Variants in SEL1L observed in about 807,000 individuals in gnomAD.
SEL1L encodes the protein SEL1L adaptor subunit of SYVN1 ubiquitin ligase.
SEL1L carries 52 observed loss-of-function variants against 109.8 expected under a neutral mutation model. That is an observed-to-expected ratio of 0.47 (90% CI 0.38 to 0.60). The LOEUF (loss-of-function observed/expected upper bound fraction) is 0.60. Among genes scored for constraint, SEL1L ranks in the 20% least tolerant of loss-of-function variants. The pLI, the probability that SEL1L is intolerant of heterozygous loss-of-function variation, is 0.00. For missense variants in SEL1L, 749 were observed against 962.2 expected, an observed-to-expected ratio of 0.78 and a Z score of 2.93; for synonymous variants, 373 against 339.6, an observed-to-expected ratio of 1.10 and a Z score of -1.08.
chr14:81,492,834 T>C (rs552613574), intron 11 of SEL1L, among the ~76,000 whole-genome samples: 2 of 152,362 alleles, frequency 1.3e-5, no homozygotes, highest in Non-Finnish European at 2.9e-5. Flanking sequence ...TCCTGTTACT[T>C]ACAGGCAAAG....
chr14:81,530,332 T>C (rs2371804), intron 1 of SEL1L, among the ~76,000 whole-genome samples: 1 of 150,442 alleles, frequency 6.6e-6, no homozygotes, highest in Non-Finnish European at 1.5e-5. Flanking sequence ...CTTCATCACA[T>C]GTTAATTCTG....
chr14:81,528,442 T>G (rs1045919502), intron 1 of SEL1L, among the ~76,000 whole-genome samples: 11 of 152,128 alleles, frequency 7.2e-5, no homozygotes, highest in Non-Finnish European at 1.3e-4. Context: ...ACAGCCTGCT[T>G]TGGTGTTGTC....
chr14:81,506,903 C>T (rs1884262247), intron 3 of SEL1L, among the ~76,000 whole-genome samples: 1 of 152,202 alleles, frequency 6.6e-6, no homozygotes, highest in South Asian at 2.1e-4. Context: ...CTACACACAA[C>T]TTACTGCCTA....
At position 81,504,295 on chromosome 14, in the gene SEL1L, C is replaced by T; in HGVS notation, c.520G>A (p.Ala174Thr). The T allele has an allele frequency of 1.9e-6, 3 of 1,588,626 alleles. No homozygotes were observed. Among genetic ancestry groups the T allele is most frequent in the Non-Finnish European group, 2.6e-6 (3 of 1,167,994 alleles). The change falls in exon 5 of 21, where the codon GCT becomes ACT. Residue 174 changes from alanine to threonine, a missense_variant. Ala to Thr is a moderately conservative substitution (Grantham distance 58). Around this residue, in one of 2 missense-constraint regions of SEL1L, gnomAD observed 366 missense variants for 399.8 expected, o/e 0.92. Coordinates refer to ENST00000336735, the MANE Select transcript of SEL1L (RefSeq NM_005065.6). Reference protein sequence around the residue: ...KWGFCETEEEAAKRRQMQEAE... With the variant: ...KWGFCETEEETAKRRQMQEAE... ...TCCTGCATCTGCCGTCTCTTAGCAG[C>T]CTCTTCTTCAGCTAAAAACAAAACG...
chr14:81,484,581 T>C, intron 18 of SEL1L, 184 bp from the exon 19 acceptor site: 1 of 542,458 alleles, frequency 1.8e-6, no homozygotes, highest in Non-Finnish European at 3.2e-6. Flanking sequence ...ACTAGAAGTG[T>C]AGCTCTTCTG....
intron 3 of SEL1L, among the ~76,000 whole-genome samples, chr14:81,525,590 T>A (rs78320205): frequency 0.089 from 13,553 of 152,010 alleles, 1,955 homozygotes; most frequent in African/African-American, 0.3. Flanking sequence ...AATGTGTATC[T>A]ACTGTCTTTT....
At chr14:81,489,193 T>C (rs1883449004) in intron 14 of SEL1L, 59 bp downstream of exon 14, 2 of 1,456,788 alleles carry the variant, frequency 1.4e-6, no homozygotes, top group Non-Finnish European at 1.9e-6. Flanking sequence ...TTAAGGAACA[T>C]GTCCCTACCT....
chr14:81,497,785 CAGGGCAATGAAAATGT>C (rs1883830154), intron 10 of SEL1L, 91 bp downstream of exon 10: 1 of 1,002,492 alleles, frequency 1.0e-6, no homozygotes, highest in African/African-American at 1.6e-5. Flanking sequence ...CATAATTGCT[CAGGGCAATGAAAATGT>C]AACTTACAGA....
chr14:81,481,950 G>A (rs570096510), intron 19 of SEL1L, among the ~76,000 whole-genome samples: 34 of 151,822 alleles, frequency 2.2e-4, no homozygotes, highest in Non-Finnish European at 3.2e-4. Context: ...AGAATCGCTT[G>A]AACCCAGAGG....
In SEL1L at chr14:81,476,585, G is replaced by C. The variant is rs17094188; in HGVS notation, c.*387C>G. ...TCCTTTTTACACTGATCAGTTTTTA[G>C]TGTCGATGCACAATACCTTAAAGAT... On this transcript the variant is annotated 3_prime_UTR_variant, in exon 21 of 21. Coordinates refer to ENST00000336735, the MANE Select transcript of SEL1L (RefSeq NM_005065.6). 0.029 allele frequency: 4,720 copies of C among 165,612 alleles called. 377 individuals carry two copies. Among genetic ancestry groups the C allele is most frequent in the East Asian group, 0.2 (1,155 of 5,906 alleles). The allele number at this position is 165,612 out of a possible 1,614,324, so 10.3% of individuals were successfully genotyped here.
At chr14:81,486,162 T>C in intron 17 of SEL1L, 127 bp downstream of exon 17, 2 of 899,218 alleles carry the variant, frequency 2.2e-6, no homozygotes, top group East Asian at 4.9e-5. Context: ...CTTAAGCCTG[T>C]GTGTTCAGTT....
At chr14:81,504,729 GACTAGATCATA>G (rs2140022439) in intron 4 of SEL1L, among the ~76,000 whole-genome samples, 1 of 152,056 alleles carries the variant, frequency 6.6e-6, no homozygotes, top group Admixed American at 6.6e-5. Context: ...GGTGAGAGGC[GACTAGATCATA>G]GGGGTGGTTT....
At chr14:81,527,599 C>T in intron 2 of SEL1L, 102 bp downstream of exon 2, 1 of 752,166 alleles carries the variant, frequency 1.3e-6, no homozygotes, top group Non-Finnish European at 2.1e-6. Flanking sequence ...TTTAATTCAA[C>T]TGTTACTCAA....
chr14:81,477,426 T>C (rs565045021), intron 20 of SEL1L, among the ~76,000 whole-genome samples: 1 of 152,090 alleles, frequency 6.6e-6, no homozygotes, highest in South Asian at 2.1e-4. Flanking sequence ...ACACTTAATA[T>C]AAAATGTCTG....
intron 16 of SEL1L, 66 bp downstream of exon 16, chr14:81,487,324 G>A: frequency 6.9e-7 from 1 of 1,451,010 alleles, no homozygotes. Context: ...AACCAGAATT[G>A]AAAGCGCAGA....
At chr14:81,503,446 C>T (rs1289387492) in intron 5 of SEL1L, among the ~76,000 whole-genome samples, 2 of 151,450 alleles carry the variant, frequency 1.3e-5, no homozygotes, top group Non-Finnish European at 2.9e-5. Context: ...TTCAAGTGAT[C>T]CTCCTACCTC....
intron 19 of SEL1L, among the ~76,000 whole-genome samples, chr14:81,481,984 T>A (rs914025132): frequency 2.0e-5 from 3 of 151,978 alleles, no homozygotes; most frequent in African/African-American, 7.3e-5. Flanking sequence ...AGAGCCAAGA[T>A]TGTGCCACTG....
chr14:81,476,405 A>T lies in SEL1L; in HGVS notation c.*567T>A, dbSNP rs1031268036. The T allele has an allele frequency of 2.0e-5, 3 of 152,412 alleles. No homozygotes were observed. The highest frequency in any genetic ancestry group is 2.0e-4 in the Admixed American group (3 of 15,312). 9.4% of individuals were successfully genotyped at this position (152,412 alleles called of 1,614,324 possible). ...CCCAACCCTCCCTTTTAAAATAACAAATATGCTGAATATGTCTAATTGCAT... is the reference window on the plus strand; with the variant it reads ...CCCAACCCTCCCTTTTAAAATAACATATATGCTGAATATGTCTAATTGCAT... On this transcript the variant is annotated 3_prime_UTR_variant, in exon 21 of 21. Transcript: ENST00000336735.
At chr14:81,486,602 T>A (rs1020212871) in intron 16 of SEL1L, 148 bp from the exon 17 acceptor site, 1 of 663,326 alleles carries the variant, frequency 1.5e-6, no homozygotes, top group Non-Finnish European at 2.4e-6. Flanking sequence ...AAGTTTGAGA[T>A]ACTTATTTAA....
Sources: gnomAD v4.1 joint callset for allele counts (sites outside exome capture counted in the v4.1 genomes callset) on GRCh38, gnomAD v4.1.1 for gene constraint, gnomAD v4.1.1 regional missense constraint, MANE v1.5 for transcripts, NCBI Gene and HGNC (gene_info 2026-07-23, HGNC 2026-07-21) for gene names.